The following SLC25A48 variants were observed in gnomAD, a reference collection of about 807,000 sequenced individuals.
SLC25A48 encodes solute carrier family 25 member 48.
In SLC25A48, 29 loss-of-function variants were observed where a neutral mutation model predicts 32.2. The observed-to-expected ratio is 0.90, with a 90% CI of 0.67 to 1.23. SLC25A48 has a LOEUF of 1.23. SLC25A48 is among the 50% of genes most tolerant of loss of function. The pLI, the probability that SLC25A48 is intolerant of heterozygous loss-of-function variation, is 0.00. For missense variants in SLC25A48, 399 were observed against 422.7 expected (o/e 0.94, Z 0.49); for synonymous variants, 164 against 172.3 (o/e 0.95, Z 0.38).
At chr5:135,724,460 T>G (rs774703390) in intron 3 of SLC25A48, among the ~76,000 whole-genome samples, 3 of 152,160 alleles carry the variant, frequency 2.0e-5, no homozygotes, top group Non-Finnish European at 2.9e-5. Context: ...TAGAGTTTGG[T>G]CTAAAGCTCG....
chr5:135,642,591 T>A (rs900112155), intron 3 of SLC25A48, among the ~76,000 whole-genome samples: 3 of 152,278 alleles, frequency 2.0e-5, no homozygotes, highest in African/African-American at 7.2e-5. Flanking sequence ...CATTGTTTTC[T>A]TGGCTCTTAT....
intron 3 of SLC25A48, among the ~76,000 whole-genome samples, chr5:135,709,113 C>G (rs1239559772): frequency 2.6e-5 from 4 of 152,142 alleles, no homozygotes; most frequent in African/African-American, 9.7e-5. Flanking sequence ...ATTGAGATCT[C>G]AACCCACAAC....
rs73791016 is a variant in SLC25A48 at position 135,629,865 on chromosome 5, A to T, written c.-709+489A>T. On this transcript the variant is annotated intron_variant, in intron 2 of 10. Transcript: ENST00000646290. The surrounding 1 kb of genome is among the most constrained non-coding windows in gnomAD (Gnocchi z 4.8). ...CAGAGAAAACCCTAGGGCAGAAACT[A>T]TCAAGAACTTGCCGAAAGTAGTTGG... 9.4e-3 allele frequency among the ~76,000 whole-genome samples: 1,428 copies of T among 152,304 alleles called. 26 individuals carry two copies. The highest frequency in any genetic ancestry group is 0.033 in the African/African-American group (1,358 of 41,560).
At chr5:135,753,624 G>T (rs1011064541) in intron 3 of SLC25A48, among the ~76,000 whole-genome samples, 25 of 151,984 alleles carry the variant, frequency 1.6e-4, no homozygotes, top group African/African-American at 5.8e-4. Flanking sequence ...TACACACAGG[G>T]TGCACACCCA....
chr5:135,713,170 A>G (rs1754710934), intron 3 of SLC25A48, among the ~76,000 whole-genome samples: 1 of 152,238 alleles, frequency 6.6e-6, no homozygotes, highest in Non-Finnish European at 1.5e-5. Context: ...GGCCCAGCCC[A>G]GACCTTCTGA....
chr5:135,755,186 G>C (rs894601981), intron 3 of SLC25A48, among the ~76,000 whole-genome samples: 1 of 151,858 alleles, frequency 6.6e-6, no homozygotes, highest in African/African-American at 2.4e-5. Flanking sequence ...ATGAAATATC[G>C]CTCTGATATT....
chr5:135,843,868 C>A lies in SLC25A48; in HGVS notation c.90+1409C>A, dbSNP rs116489557. ...AGGGAGAATGGGATTGCAGAGTGTG[C>A]TAGGGGCCTTGCTGCGTGCCTCCTG... is the stretch of plus-strand genomic sequence containing the variant. On this transcript the variant is annotated intron_variant, in intron 2 of 7. Transcript: ENST00000681962. Among the ~76,000 whole-genome samples the A allele has an allele frequency of 4.8e-3, 735 of 152,258 alleles. 4 individuals carry two copies. The highest frequency in any genetic ancestry group is 8.3e-3 in the Non-Finnish European group (566 of 67,980).
chr5:135,839,856 GT>G, intron 1 of SLC25A48, among the ~76,000 whole-genome samples: 1 of 152,254 alleles, frequency 6.6e-6, no homozygotes, highest in East Asian at 1.9e-4. Context: ...ATAAAATGGT[GT>G]TCCCCAAGCT....
chr5:135,806,331 T>C lies in SLC25A48; in HGVS notation c.-520-6192T>C, dbSNP rs74291919. Among the ~76,000 whole-genome samples the C allele has an allele frequency of 2.5e-3, 384 of 151,770 alleles. 15 individuals carry two copies. In the East Asian group the frequency reaches 0.068, roughly 27 times the overall value. On this transcript the variant is annotated intron_variant, in intron 3 of 10. Coordinates refer to the SLC25A48 transcript ENST00000646290. The stretch of plus-strand genomic sequence containing the variant: ...AATATTTTATTAATATCATAGTATG[T>C]TAAAACTAGGTATTATAAATATCAT...
chr5:135,678,055 T>A (rs1330876632), intron 3 of SLC25A48, among the ~76,000 whole-genome samples: 1 of 152,218 alleles, frequency 6.6e-6, no homozygotes, highest in African/African-American at 2.4e-5. Context: ...TCTGGATGTC[T>A]AAATTTCTTG....
At chr5:135,805,782 G>A (rs1216951924) in intron 3 of SLC25A48, among the ~76,000 whole-genome samples, 1 of 151,500 alleles carries the variant, frequency 6.6e-6, no homozygotes, top group Admixed American at 6.6e-5. Context: ...CCCAGTGGGT[G>A]TATACCCTGT....
chr5:135,642,662 T>A (rs1752866213), intron 3 of SLC25A48, among the ~76,000 whole-genome samples: 1 of 152,250 alleles, frequency 6.6e-6, no homozygotes, highest in Non-Finnish European at 1.5e-5. Context: ...GCTTGAAAGA[T>A]GAATCCAAGG....
At chr5:135,868,964 C>G (rs1300428766) in intron 4 of SLC25A48, among the ~76,000 whole-genome samples, 3 of 151,990 alleles carry the variant, frequency 2.0e-5, no homozygotes, top group African/African-American at 4.8e-5. Flanking sequence ...GACACTGGGA[C>G]AATTATATCG....
chr5:135,805,593 T>C (rs936572896), intron 3 of SLC25A48, among the ~76,000 whole-genome samples: 3 of 151,618 alleles, frequency 2.0e-5, no homozygotes, highest in South Asian at 2.1e-4. Flanking sequence ...TATCGCAGTA[T>C]GTGTACACAC....
At chr5:135,733,077 C>G (rs961025558) in intron 3 of SLC25A48, among the ~76,000 whole-genome samples, 1 of 152,088 alleles carries the variant, frequency 6.6e-6, no homozygotes, top group African/African-American at 2.4e-5. Flanking sequence ...ATATGGAAGG[C>G]ATATTTAGAG....
chr5:135,713,522 G>A (rs1258986961), intron 3 of SLC25A48, among the ~76,000 whole-genome samples: 1 of 152,084 alleles, frequency 6.6e-6, no homozygotes, highest in African/African-American at 2.4e-5. Context: ...GACAGGACAC[G>A]GGACATTATG....
At chr5:135,839,020 C>G (rs964434744) in intron 1 of SLC25A48, among the ~76,000 whole-genome samples, 1 of 152,166 alleles carries the variant, frequency 6.6e-6, no homozygotes, top group Admixed American at 6.5e-5. Context: ...GCACCATGCA[C>G]CTGGAAAAGC....
intron 2 of SLC25A48, among the ~76,000 whole-genome samples, chr5:135,630,983 C>A (rs1209601044): frequency 6.6e-6 from 1 of 152,148 alleles, no homozygotes; most frequent in Non-Finnish European, 1.5e-5. Flanking sequence ...TTGAAGCTGG[C>A]AGCATCATCT....
intron 4 of SLC25A48, among the ~76,000 whole-genome samples, chr5:135,816,231 A>C (rs1008913473): frequency 6.6e-5 from 10 of 152,164 alleles, no homozygotes; most frequent in African/African-American, 2.2e-4. Context: ...GGGGATTACA[A>C]TTGGAGATTA....
Sources: gnomAD v4.1 joint callset for allele counts (sites outside exome capture counted in the v4.1 genomes callset) on GRCh38, gnomAD v4.1.1 for gene constraint, Gnocchi (gnomAD v3.1) non-coding constraint, MANE v1.5 for transcripts, NCBI Gene and HGNC (gene_info 2026-07-23, HGNC 2026-07-21) for gene names.